MIB1: variants seen among roughly 807,000 people sequenced by gnomAD.
MIB1 encodes the protein E3 ubiquitin-protein ligase MIB1.
MIB1 carries 278 observed loss-of-function variants against 124.5 expected under a neutral mutation model. That is an observed-to-expected ratio of 2.23 (90% CI 2.02 to 2.47). The LOEUF is 2.47. Ranked by LOEUF, MIB1 falls within the 30% of genes most tolerant of loss-of-function variation. MIB1 has a pLI of 0.00. For missense variants in MIB1, 957 were observed against 1,254.4 expected (o/e 0.76, Z 3.58); for synonymous variants, 446 against 429.4 (o/e 1.04, Z -0.48).
intron 16 of MIB1, 37 bp from the exon 17 acceptor site, chr18:21,849,159 T>G: frequency 7.7e-7 from 1 of 1,299,938 alleles, no homozygotes; most frequent in Non-Finnish European, 1.0e-6. Context: ...GAATTTGTAA[T>G]AAGATAGGCT....
intron 1 of MIB1, among the ~76,000 whole-genome samples, chr18:21,707,976 T>G (rs1156553643): frequency 6.6e-6 from 1 of 152,192 alleles, no homozygotes; most frequent in Non-Finnish European, 1.5e-5. Flanking sequence ...AGATGGCTTC[T>G]CAGGAAGCTC....
upstream of MIB1, among the ~76,000 whole-genome samples, chr18:21,739,980 A>G (rs1042083126): frequency 2.0e-5 from 3 of 152,060 alleles, no homozygotes; most frequent in African/African-American, 7.2e-5. Flanking sequence ...TTCAGTACAT[A>G]GTAATTCCTT....
intron 13 of MIB1, among the ~76,000 whole-genome samples, chr18:21,842,857 A>G (rs923802927): frequency 3.3e-5 from 5 of 152,186 alleles, no homozygotes; most frequent in African/African-American, 4.8e-5. Flanking sequence ...TTTGAACTCT[A>G]CTGTGCTTTG....
intron 4 of MIB1, among the ~76,000 whole-genome samples, chr18:21,776,292 A>G (rs1030669326): frequency 6.6e-6 from 1 of 151,928 alleles, no homozygotes; most frequent in South Asian, 2.1e-4. Context: ...AAAAATCCCA[A>G]AAAACCAATT....
chr18:21,806,660 G>A (rs1319565838), intron 10 of MIB1, among the ~76,000 whole-genome samples: 2 of 148,202 alleles, frequency 1.3e-5, no homozygotes, highest in African/African-American at 5.0e-5. Flanking sequence ...TTGCTCTGTC[G>A]CCCAGGCTGG....
chr18:21,801,877 C>A (rs1325069118), intron 9 of MIB1, among the ~76,000 whole-genome samples: 1 of 152,066 alleles, frequency 6.6e-6, no homozygotes, highest in Non-Finnish European at 1.5e-5. Context: ...GTCTTCTCAC[C>A]CATCAGCTTG....
At position 21,808,775 on chromosome 18, in the gene MIB1, G is replaced by T. The variant is rs1020247903; in HGVS notation, c.1479+4761G>T. On this transcript the variant is annotated intron_variant, in intron 10 of 20. Transcript: ENST00000261537. ...TAGGTGAGCTAATTTTGGATCTGCC[G>T]TGGACTCTATTTTTTTCCCCCACTG... 7.2e-5 allele frequency among the ~76,000 whole-genome samples: 11 copies of T among 152,152 alleles called. No individual in the cohort carries two copies. In the South Asian group the frequency reaches 1.0e-3, roughly 14 times the overall value.
upstream of MIB1, among the ~76,000 whole-genome samples, chr18:21,739,065 G>A (rs913314090): frequency 6.6e-6 from 1 of 151,588 alleles, no homozygotes; most frequent in Non-Finnish European, 1.5e-5. Context: ...GAAGAAGAGA[G>A]AAGAATCAAA....
chr18:21,705,799 C>T (rs142569986), intron 1 of MIB1, among the ~76,000 whole-genome samples: 1 of 152,272 alleles, frequency 6.6e-6, no homozygotes, highest in East Asian at 1.9e-4. Flanking sequence ...ATTCAATTAC[C>T]TTTACTGAGC....
chr18:21,714,997 T>G (rs2040683112), intron 1 of MIB1, among the ~76,000 whole-genome samples: 1 of 152,144 alleles, frequency 6.6e-6, no homozygotes, highest in Non-Finnish European at 1.5e-5. Flanking sequence ...CAGCTCCCAC[T>G]TGGGCAGCAG....
Position 21,869,840 on chromosome 18 carries a change from T to A in MIB1, c.*5174T>A, listed in dbSNP as rs2042343732. 6.6e-6 allele frequency: 1 copy of A among 152,082 alleles called. No individual in the cohort carries two copies. Among genetic ancestry groups the A allele is most frequent in the Non-Finnish European group, 1.5e-5 (1 of 67,906 alleles). 9.4% of individuals were successfully genotyped at this position (152,082 alleles called of 1,614,324 possible). On this transcript the variant is annotated 3_prime_UTR_variant, in exon 21 of 21. Coordinates refer to ENST00000261537, the MANE Select transcript of MIB1 (RefSeq NM_020774.4). ...TTCAAATGGATTCTGTTGTAAAAAA[T>A]TATTTTTAAAGGAAATCACAAATTG...
chr18:21,742,277 T>G (rs1260385047), intron 1 of MIB1, among the ~76,000 whole-genome samples: 7 of 97,530 alleles, frequency 7.2e-5, no homozygotes, highest in African/African-American at 3.2e-4. Flanking sequence ...TGGAGATGCC[T>G]TTTTTTTTTT....
intron 1 of MIB1, among the ~76,000 whole-genome samples, chr18:21,716,194 A>AT (rs1313453973): frequency 6.6e-6 from 1 of 152,234 alleles, no homozygotes; most frequent in African/African-American, 2.4e-5. Context: ...GCTAGAAGAG[A>AT]TTGAGGCCCT....
At chr18:21,762,774 C>T (rs2041112561) in intron 1 of MIB1, among the ~76,000 whole-genome samples, 1 of 152,064 alleles carries the variant, frequency 6.6e-6, no homozygotes, top group African/African-American at 2.4e-5. Flanking sequence ...TATATAATTG[C>T]TATTTAGAAG....
At chr18:21,849,063 A>G in intron 16 of MIB1, 133 bp from the exon 17 acceptor site, 1 of 559,108 alleles carries the variant, frequency 1.8e-6, no homozygotes, top group South Asian at 3.4e-5. Flanking sequence ...TTTCACATAC[A>G]GATGTTAAAG....
chr18:21,788,668 A>G (rs2041466208), intron 6 of MIB1, among the ~76,000 whole-genome samples: 1 of 152,242 alleles, frequency 6.6e-6, no homozygotes, highest in Non-Finnish European at 1.5e-5. Context: ...GAAAAAGAAG[A>G]TGTGAAACTA....
At chr18:21,848,431 CAA>C (rs1183250766) in intron 16 of MIB1, among the ~76,000 whole-genome samples, 2 of 151,324 alleles carry the variant, frequency 1.3e-5, no homozygotes. Flanking sequence ...GCCTGGGCAA[CAA>C]GAGCAAAATT....
intron 10 of MIB1, among the ~76,000 whole-genome samples, chr18:21,804,452 A>C (rs1049934692): frequency 1.3e-5 from 2 of 152,264 alleles, no homozygotes; most frequent in African/African-American, 4.8e-5. Context: ...CTTAATGTGA[A>C]TATTTGAAGA....
chr18:21,764,733 AAAAAAC>A (rs937285607), intron 1 of MIB1, among the ~76,000 whole-genome samples: 72 of 142,442 alleles, frequency 5.1e-4, no homozygotes, highest in South Asian at 3.5e-3. Flanking sequence ...ATTTTGAAAA[AAAAAAC>A]AAAACAAAAC....
Sources: gnomAD v4.1 joint callset for allele counts (sites outside exome capture counted in the v4.1 genomes callset) on GRCh38, gnomAD v4.1.1 for gene constraint, MANE v1.5 for transcripts, NCBI Gene and HGNC (gene_info 2026-07-23, HGNC 2026-07-21) for gene names.